LAMA2: variants seen among roughly 807,000 people sequenced by gnomAD.
LAMA2 encodes the protein laminin subunit alpha 2.
Under a neutral mutation model 364.8 loss-of-function variants are expected in LAMA2, and 269 were observed. The observed-to-expected ratio is 0.74, with a 90% CI of 0.67 to 0.82. The LOEUF (loss-of-function observed/expected upper bound fraction) is 0.82, where lower values mean the gene tolerates loss of function less well. Among genes scored for constraint, LAMA2 ranks in the 40% least tolerant of loss-of-function variants. LAMA2 has a pLI of 0.00. For missense variants in LAMA2, 3,807 were observed against 3,873.2 expected (o/e 0.98, Z 0.45); for synonymous variants, 1,379 against 1,370.6 (o/e 1.01, Z -0.14).
intron 1 of LAMA2, among the ~76,000 whole-genome samples, chr6:128,944,364 C>G (rs1002553229): frequency 6.6e-6 from 1 of 152,166 alleles, no homozygotes; most frequent in Admixed American, 6.5e-5. Context: ...CCTGATCCAT[C>G]TTCTGTTTAC....
chr6:128,906,929 A>G lies in LAMA2; in HGVS notation c.112+23572A>G, dbSNP rs1336296484. Among the ~76,000 whole-genome samples the G allele has an allele frequency of 5.7e-4, 86 of 151,892 alleles. No homozygotes were observed. The East Asian group carries it at 0.013, about 22-fold the overall frequency. The stretch of plus-strand genomic sequence containing the variant: ...ATTGCTTGTTTTTCTCAGGTTTGTC[A>G]AAGATCAGATAGTTGTAGATATGCA... On this transcript the variant is annotated intron_variant, in intron 1 of 64. Transcript: ENST00000421865.
chr6:129,308,516 T>A (rs1774017043), intron 22 of LAMA2, among the ~76,000 whole-genome samples: 2 of 152,250 alleles, frequency 1.3e-5, no homozygotes, highest in Admixed American at 1.3e-4. Context: ...CTATCATTTT[T>A]ACTGATCATT....
intron 3 of LAMA2, among the ~76,000 whole-genome samples, chr6:129,080,595 C>A (rs994576391): frequency 1.3e-5 from 2 of 152,108 alleles, no homozygotes; most frequent in Non-Finnish European, 2.9e-5. Context: ...TATGAAGAGA[C>A]ACTTCTCAAA....
intron 1 of LAMA2, among the ~76,000 whole-genome samples, chr6:128,985,709 G>C (rs749889894): frequency 7.3e-5 from 11 of 151,588 alleles, no homozygotes; most frequent in African/African-American, 2.4e-4. Flanking sequence ...CCTACCAACT[G>C]TTCTCCTTTC....
At chr6:129,500,740 A>G (rs1469698636) in intron 58 of LAMA2, among the ~76,000 whole-genome samples, 2 of 152,216 alleles carry the variant, frequency 1.3e-5, no homozygotes, top group Admixed American at 6.5e-5. Flanking sequence ...GCTCAGGACC[A>G]GTTTTGGATA....
chr6:129,136,519 A>C (rs1260123848), intron 4 of LAMA2, among the ~76,000 whole-genome samples: 3 of 151,944 alleles, frequency 2.0e-5, no homozygotes. Context: ...AGAGACAGAG[A>C]GAGAGAGAGA....
chr6:129,155,029 CATA>C (rs1286200754), intron 8 of LAMA2, among the ~76,000 whole-genome samples: 1 of 152,092 alleles, frequency 6.6e-6, no homozygotes, highest in Non-Finnish European at 1.5e-5. Flanking sequence ...TTTCACTCGA[CATA>C]ATATGTTAAG....
chr6:129,238,399 T>C (rs946142871), intron 12 of LAMA2, among the ~76,000 whole-genome samples: 7 of 152,214 alleles, frequency 4.6e-5, no homozygotes, highest in South Asian at 2.1e-4. Flanking sequence ...GGTATTTTCA[T>C]GCCCTTTTAG....
At chr6:129,507,404 G>A (rs1786178890) in intron 61 of LAMA2, 85 bp from the exon 62 acceptor site, 1 of 1,397,944 alleles carries the variant, frequency 7.2e-7, no homozygotes, top group Admixed American at 1.7e-5. Flanking sequence ...TACACACATA[G>A]AGCACCCTGC....
chr6:129,128,364 G>T (rs1001701524), intron 4 of LAMA2, among the ~76,000 whole-genome samples: 3 of 151,940 alleles, frequency 2.0e-5, no homozygotes, highest in Non-Finnish European at 4.4e-5. Context: ...TTTCTTTTTT[G>T]CCAGTACCAT....
At chr6:129,160,281 G>A (rs1562286558) in intron 8 of LAMA2, among the ~76,000 whole-genome samples, 1 of 151,940 alleles carries the variant, frequency 6.6e-6, no homozygotes. Context: ...GGTTAGATAG[G>A]TTTTGTATTA....
rs1009098337 is a variant in LAMA2, at chr6:129,391,572, A to G, written c.5153A>G (p.Gln1718Arg). 1 of 1,613,866 alleles carries G rather than the reference A, an allele frequency of 6.2e-7. No individual in the cohort carries two copies. The highest frequency in any genetic ancestry group is 8.5e-7 in the Non-Finnish European group (1 of 1,179,762). ...EAFERNLEGL[Q>R]KEIDQMIKEL... Reference sequence around the variant, plus strand: ...TTTGAGAGAAATTTGGAAGGGCTTCAGAAAGAGATTGACCAGATGATTAAA... The same window carrying G: ...TTTGAGAGAAATTTGGAAGGGCTTCGGAAAGAGATTGACCAGATGATTAAA... Residue 1718 changes from glutamine to arginine, a missense_variant, in exon 36 of 65, where the codon CAG becomes CGG. Physicochemically the swap from Gln to Arg is conservative, Grantham distance 43. Around this residue, in one of 3 missense-constraint regions of LAMA2, gnomAD observed 3,333 missense variants for 3,345.7 expected, o/e 1.00. Coordinates refer to ENST00000421865, the MANE Select transcript of LAMA2 (RefSeq NM_000426.4).
At chr6:129,132,316 G>A (rs779326947) in intron 4 of LAMA2, among the ~76,000 whole-genome samples, 6 of 151,954 alleles carry the variant, frequency 3.9e-5, no homozygotes, top group African/African-American at 7.3e-5. Flanking sequence ...ACAGGCGCCC[G>A]CCACCACGCC....
chr6:129,030,117 T>A (rs1394340337), intron 1 of LAMA2, among the ~76,000 whole-genome samples: 2 of 152,114 alleles, frequency 1.3e-5, no homozygotes, highest in African/African-American at 4.8e-5. Flanking sequence ...TCTCTTGACT[T>A]GTATCTACCT....
At chr6:129,266,892 C>T (rs961483517) in intron 15 of LAMA2, among the ~76,000 whole-genome samples, 1 of 152,048 alleles carries the variant, frequency 6.6e-6, no homozygotes, top group Admixed American at 6.6e-5. Context: ...TTCCTCTAAT[C>T]TCATACCTGC....
chr6:129,154,438 C>T (rs1778986018), intron 7 of LAMA2, 67 bp from the exon 8 acceptor site: 3 of 1,409,610 alleles, frequency 2.1e-6, no homozygotes, highest in Non-Finnish European at 2.0e-6. Context: ...TTATGTATAA[C>T]AGAAATGATT....
At chr6:129,165,430 CAT>C in intron 8 of LAMA2, 144 bp from the exon 9 acceptor site, 1 of 563,984 alleles carries the variant, frequency 1.8e-6, no homozygotes. Context: ...AAATTATAAA[CAT>C]GTATTAAAGG....
At chr6:129,376,834 T>C (rs1778401143) in intron 34 of LAMA2, among the ~76,000 whole-genome samples, 1 of 152,240 alleles carries the variant, frequency 6.6e-6, no homozygotes. Flanking sequence ...GTTATAAATT[T>C]ATCTACATGA....
chr6:128,993,832 A>G (rs953921098), intron 1 of LAMA2, among the ~76,000 whole-genome samples: 2 of 152,200 alleles, frequency 1.3e-5, no homozygotes, highest in African/African-American at 4.8e-5. Context: ...AGAAAAATTA[A>G]TAGGGTTCTT....
Sources: gnomAD v4.1 joint callset for allele counts (sites outside exome capture counted in the v4.1 genomes callset) on GRCh38, gnomAD v4.1.1 for gene constraint, gnomAD v4.1.1 regional missense constraint, MANE v1.5 for transcripts, NCBI Gene and HGNC (gene_info 2026-07-23, HGNC 2026-07-21) for gene names.